PTPRN2: variants seen among roughly 807,000 people sequenced by gnomAD.
PTPRN2 encodes the protein protein tyrosine phosphatase receptor type N2, also known as receptor-type tyrosine-protein phosphatase N2.
In PTPRN2, 74 loss-of-function variants were observed where a neutral mutation model predicts 118.8. The observed-to-expected ratio is 0.62, with a 90% confidence interval of 0.52 to 0.76. The LOEUF (loss-of-function observed/expected upper bound fraction) is 0.76. PTPRN2 is among the 30% of genes least tolerant of loss of function. The pLI, the probability that PTPRN2 is intolerant of heterozygous loss-of-function variation, is 0.00. For missense variants in PTPRN2, 1,481 were observed against 1,394.4 expected (o/e 1.06, Z -0.99); for synonymous variants, 641 against 608.0 (o/e 1.05, Z -0.80).
chr7:158,474,081 G>A (rs1278820053), intron 2 of PTPRN2, among the ~76,000 whole-genome samples: 1 of 152,174 alleles, frequency 6.6e-6, no homozygotes, highest in Non-Finnish European at 1.5e-5. Flanking sequence ...AAGCAAATGA[G>A]GTCAGCCCTG....
chr7:158,151,080 CCTG>C (rs1821006783), intron 6 of PTPRN2, among the ~76,000 whole-genome samples: 1 of 15,794 alleles, frequency 6.3e-5, no homozygotes, highest in African/African-American at 1.5e-4. Flanking sequence ...CACTCTTGCC[CCTG>C]CCTGCCCAAA....
Position 157,598,465 on chromosome 7 carries a change from GGTGAGCTCA to G in PTPRN2, c.2419-3159_2419-3151del, listed in dbSNP as rs531441429. Among the ~76,000 whole-genome samples the G allele has an allele frequency of 9.9e-5, 15 of 150,962 alleles. No individual in the cohort carries two copies. The highest frequency in any genetic ancestry group is 3.4e-4 in the African/African-American group (14 of 40,626). On this transcript the variant is annotated intron_variant, in intron 16 of 22. Coordinates refer to ENST00000389418, the MANE Select transcript of PTPRN2 (RefSeq NM_002847.5). This position sits in a 1 kb window ranked among gnomAD's most constrained non-coding sequence, Gnocchi z 5.2. ...CCTCAGTCTCCATATCTGTATGGTGGGTGAGCTCAGGGAGTGAGGAGCTTGGACGTCGGC... is the reference window on the plus strand; with the variant it reads ...CCTCAGTCTCCATATCTGTATGGTGGGGGAGTGAGGAGCTTGGACGTCGGC...
chr7:158,579,275 T>C (rs537671826), intron 1 of PTPRN2, among the ~76,000 whole-genome samples: 81 of 152,382 alleles, frequency 5.3e-4, no homozygotes, highest in African/African-American at 1.8e-3. Context: ...TAATCTCTAT[T>C]GTCAGTTCAT....
intron 1 of PTPRN2, among the ~76,000 whole-genome samples, chr7:158,568,053 G>C (rs952954978): frequency 6.6e-6 from 1 of 152,168 alleles, no homozygotes; most frequent in Admixed American, 6.5e-5. Flanking sequence ...ACAAGTTCGA[G>C]ACCAGCCTGG....
intron 10 of PTPRN2, among the ~76,000 whole-genome samples, chr7:158,082,430 T>C (rs1216534343): frequency 6.6e-6 from 1 of 152,188 alleles, no homozygotes; most frequent in Non-Finnish European, 1.5e-5. Context: ...CCTCTGGTCT[T>C]CCTCCTTGGG....
intron 11 of PTPRN2, among the ~76,000 whole-genome samples, chr7:157,942,668 A>G (rs67805046): frequency 0.55 from 82,707 of 151,640 alleles, 23,971 homozygotes; most frequent in African/African-American, 0.74. Context: ...AATGATGTGT[A>G]TCCCCTCCCA....
At chr7:158,478,942 C>T (rs150716312) in intron 2 of PTPRN2, among the ~76,000 whole-genome samples, 5 of 152,188 alleles carry the variant, frequency 3.3e-5, no homozygotes, top group Middle Eastern at 3.4e-3. Flanking sequence ...CATGAAAACA[C>T]GTGTCACCGC....
At chr7:158,522,204 C>G (rs1217828723) in intron 1 of PTPRN2, among the ~76,000 whole-genome samples, 6 of 75,882 alleles carry the variant, frequency 7.9e-5, no homozygotes, top group Non-Finnish European at 1.3e-4. Context: ...GTCCACGTCA[C>G]AATGGTGGAC....
rs145323959 is a variant in PTPRN2, at chr7:157,612,161, C to A, written c.2345-8086G>T. Reference sequence around the variant, plus strand: ...ACCTGGTGCCTGCACGGAGAAAGCGCCGCCTGGAGCCAGCCTGCAGTTGTG... The same window carrying A: ...ACCTGGTGCCTGCACGGAGAAAGCGACGCCTGGAGCCAGCCTGCAGTTGTG... On this transcript the variant is annotated intron_variant, in intron 15 of 22. Transcript: ENST00000389418. Among the ~76,000 whole-genome samples, 693 of 152,340 alleles carry A rather than the reference C, an allele frequency of 4.5e-3. 2 individuals are homozygous for A. The highest frequency in any genetic ancestry group is 0.01 in the Middle Eastern group (3 of 294).
At chr7:157,932,150 C>T (rs1348771204) in intron 11 of PTPRN2, among the ~76,000 whole-genome samples, 3 of 152,098 alleles carry the variant, frequency 2.0e-5, no homozygotes. Context: ...CATGATTTTC[C>T]CTTAGTTCTA....
chr7:157,844,527 G>C (rs576318700), intron 12 of PTPRN2, among the ~76,000 whole-genome samples: 1 of 152,338 alleles, frequency 6.6e-6, no homozygotes, highest in East Asian at 1.9e-4. Context: ...CAGGAGGAGA[G>C]GGTGAGGCTG....
chr7:157,666,135 A>T (rs74690859), intron 13 of PTPRN2, among the ~76,000 whole-genome samples: 5 of 71,402 alleles, frequency 7.0e-5, no homozygotes, highest in South Asian at 4.2e-4. Flanking sequence ...AAGTATAATT[A>T]AAAAAAAAAA....
chr7:157,978,949 T>C (rs1802940199), intron 11 of PTPRN2, among the ~76,000 whole-genome samples: 1 of 152,056 alleles, frequency 6.6e-6, no homozygotes, highest in Non-Finnish European at 1.5e-5. Flanking sequence ...CTACGACACC[T>C]GCCCAGCGGA....
At chr7:158,001,231 TC>T (rs1482936748) in intron 11 of PTPRN2, among the ~76,000 whole-genome samples, 1 of 150,870 alleles carries the variant, frequency 6.6e-6, no homozygotes, top group Non-Finnish European at 1.5e-5. Flanking sequence ...GGGGCTGGGA[TC>T]TGGCCGTAGG....
intron 11 of PTPRN2, among the ~76,000 whole-genome samples, chr7:157,993,692 A>G (rs1804429682): frequency 6.6e-6 from 1 of 152,264 alleles, no homozygotes; most frequent in South Asian, 2.1e-4. Context: ...GGTCCTGGAG[A>G]GCCACCCCCA....
chr7:158,005,075 A>T (rs1329803765), intron 11 of PTPRN2, among the ~76,000 whole-genome samples: 3 of 140,278 alleles, frequency 2.1e-5, no homozygotes, highest in Non-Finnish European at 1.5e-5. Flanking sequence ...TGTGGCCACT[A>T]TTTTTTTTTT....
chr7:158,160,490 C>T (rs937513008), intron 6 of PTPRN2, among the ~76,000 whole-genome samples: 8 of 152,194 alleles, frequency 5.3e-5, no homozygotes, highest in African/African-American at 1.4e-4. Flanking sequence ...ATCAGCTTCC[C>T]TGGTTCTCAA....
intron 1 of PTPRN2, among the ~76,000 whole-genome samples, chr7:158,495,750 C>T (rs972232275): frequency 6.6e-5 from 10 of 152,208 alleles, no homozygotes; most frequent in Non-Finnish European, 1.3e-4. Context: ...GAGATTAAAG[C>T]GCCTCAGCCC....
chr7:157,902,809 G>A (rs992913863), intron 11 of PTPRN2, among the ~76,000 whole-genome samples: 4 of 152,104 alleles, frequency 2.6e-5, no homozygotes, highest in African/African-American at 7.2e-5. Context: ...GTGGTTCAAC[G>A]GCACCGTCTC....
Sources: allele counts gnomAD v4.1 joint callset (sites outside exome capture counted in the v4.1 genomes callset), GRCh38; gene constraint gnomAD v4.1.1; non-coding constraint Gnocchi (gnomAD v3.1); transcripts MANE v1.5; gene names NCBI Gene and HGNC (gene_info 2026-07-23, HGNC 2026-07-21).